EEA1: variants seen among roughly 807,000 people sequenced by gnomAD.
EEA1 encodes early endosome antigen 1, 162kD.
In EEA1, 111 loss-of-function variants were observed where a neutral mutation model predicts 209.2. That is an observed-to-expected ratio of 0.53 (90% CI 0.45 to 0.62). EEA1 has a LOEUF of 0.62. Ranked by LOEUF, EEA1 falls within the 20% of genes least tolerant of loss-of-function variation. The pLI is 0.00. For missense variants in EEA1, 1,343 were observed against 1,530.8 expected (o/e 0.88, Z 2.05); for synonymous variants, 536 against 540.6 (o/e 0.99, Z 0.12).
intron 2 of EEA1, among the ~76,000 whole-genome samples, chr12:92,877,733 G>C (rs542025267): frequency 1.3e-5 from 2 of 151,998 alleles, no homozygotes; most frequent in Admixed American, 6.6e-5. Flanking sequence ...GGCTGGTCTC[G>C]AACTCCTGAT....
Position 92,814,664 on chromosome 12 carries a change from C to T in EEA1, c.1929+1536G>A, listed in dbSNP as rs77893706. Among the ~76,000 whole-genome samples, 985 of 152,174 alleles carry T rather than the reference C, an allele frequency of 6.5e-3. 39 individuals are homozygous for T. In the East Asian group the frequency reaches 0.11, roughly 18 times the overall value. On this transcript the variant is annotated intron_variant, in intron 15 of 28. Coordinates refer to ENST00000322349, the MANE Select transcript of EEA1 (RefSeq NM_003566.4). ...CCCCTCTGTTTGCCCTTTTTATAGGCAATGACTAAGTACCAATTACTACAA... is the reference window on the plus strand; with the variant it reads ...CCCCTCTGTTTGCCCTTTTTATAGGTAATGACTAAGTACCAATTACTACAA...
intron 21 of EEA1, among the ~76,000 whole-genome samples, chr12:92,792,905 C>A (rs375860727): frequency 6.6e-6 from 1 of 152,184 alleles, no homozygotes; most frequent in South Asian, 2.1e-4. Flanking sequence ...CAAACCGAAT[C>A]CAGCAGCACA....
chr12:92,837,150 CA>C (rs1876967297), intron 10 of EEA1, among the ~76,000 whole-genome samples: 1 of 145,662 alleles, frequency 6.9e-6, no homozygotes, highest in Non-Finnish European at 1.5e-5. Context: ...AAACCAACAA[CA>C]ACCCACATTC....
intron 1 of EEA1, among the ~76,000 whole-genome samples, chr12:92,914,141 C>A (rs777011371): frequency 3.3e-5 from 5 of 152,052 alleles, no homozygotes; most frequent in Non-Finnish European, 7.4e-5. Flanking sequence ...CCCCACCACA[C>A]CCTCAGGTCT....
chr12:92,824,198 C>G (rs1376795696), intron 13 of EEA1, among the ~76,000 whole-genome samples: 1 of 152,182 alleles, frequency 6.6e-6, no homozygotes, highest in East Asian at 1.9e-4. Flanking sequence ...TCTCAATACT[C>G]TACAATAAAT....
At chr12:92,914,665 A>ATT (rs1275187896) in intron 1 of EEA1, among the ~76,000 whole-genome samples, 49 of 140,978 alleles carry the variant, frequency 3.5e-4, no homozygotes, top group African/African-American at 6.7e-4. Context: ...TGTCTCTACA[A>ATT]TTTTTTTTTT....
intron 22 of EEA1, 95 bp from the exon 23 acceptor site, chr12:92,782,230 C>T: frequency 2.9e-6 from 3 of 1,028,126 alleles, no homozygotes; most frequent in South Asian, 1.9e-5. Flanking sequence ...AAGCAATAAA[C>T]TATAAAAAGA....
Position 92,832,586 on chromosome 12 carries a change from C to T in EEA1, c.1180G>A (p.Glu394Lys), listed in dbSNP as rs1876705901. ...CTCTGTTGTTGTAGCTGCTTAAACT[C>T]CGCCTTTAGATGCTGGTACTTGGTC... ...VETKYQHLKAEFKQLQQQREE... is the reference protein window; with the variant it reads ...VETKYQHLKAKFKQLQQQREE... Residue 394 changes from glutamate to lysine, a missense_variant, in exon 11 of 29, where the codon GAG (glutamate) becomes AAG (lysine). Coordinates refer to ENST00000322349, the MANE Select transcript of EEA1 (RefSeq NM_003566.4). 1 of 1,614,062 alleles carries T rather than the reference C, an allele frequency of 6.2e-7. No individual in the cohort carries two copies. The highest frequency in any genetic ancestry group is 2.2e-5 in the East Asian group (1 of 44,842).
At chr12:92,782,323 T>A (rs1290746955) in intron 22 of EEA1, among the ~76,000 whole-genome samples, 188 bp from the exon 23 acceptor site, 1 of 152,164 alleles carries the variant, frequency 6.6e-6, no homozygotes, top group African/African-American at 2.4e-5. Context: ...AAAACATTTA[T>A]AATATAAAAT....
At chr12:92,798,800 T>C in intron 21 of EEA1, 92 bp downstream of exon 21, 1 of 965,946 alleles carries the variant, frequency 1.0e-6, no homozygotes. Flanking sequence ...AACTTTTCAA[T>C]GTTGCAACTT....
intron 1 of EEA1, among the ~76,000 whole-genome samples, chr12:92,927,937 G>C (rs1211383198): frequency 6.6e-6 from 1 of 152,204 alleles, no homozygotes; most frequent in East Asian, 1.9e-4. Flanking sequence ...TCTTTCAGGA[G>C]AAAGCTAGGC....
At chr12:92,908,910 G>A (rs187476622) in intron 1 of EEA1, among the ~76,000 whole-genome samples, 21 of 152,042 alleles carry the variant, frequency 1.4e-4, no homozygotes, top group Middle Eastern at 3.4e-3. Context: ...TGCAACCTCC[G>A]CCTCCCAAGT....
At chr12:92,827,784 G>T in intron 12 of EEA1, 128 bp downstream of exon 12, 1 of 923,750 alleles carries the variant, frequency 1.1e-6, no homozygotes, top group Non-Finnish European at 1.5e-6. Flanking sequence ...GCAAGATGTT[G>T]CTATTGGAGA....
Position 92,798,820 on chromosome 12 carries a change from T to C in EEA1, c.2967+72A>G, listed in dbSNP as rs559696929. ...TTCAATGTTGCAACTTATCCATCTGTATTAATCATCATACTATTTTCTTAA... is the reference window on the plus strand; with the variant it reads ...TTCAATGTTGCAACTTATCCATCTGCATTAATCATCATACTATTTTCTTAA... On this transcript the variant is annotated intron_variant, in intron 21 of 28. Coordinates refer to ENST00000322349, the MANE Select transcript of EEA1 (RefSeq NM_003566.4). 44 of 1,213,374 alleles carry C rather than the reference T, an allele frequency of 3.6e-5. No individual in the cohort carries two copies. The South Asian group carries it at 7.4e-4, about 21-fold the overall frequency. The allele number at this position is 1,213,374 out of a possible 1,614,324, so 75.2% of individuals were successfully genotyped here. A position where few individuals can be genotyped will look rare whatever the true frequency, so the allele number is the denominator to read the frequency against.
Position 92,911,804 on chromosome 12 carries a change from G to C in EEA1, c.24+17239C>G, listed in dbSNP as rs1428620876. On this transcript the variant is annotated intron_variant, in intron 1 of 28. Coordinates refer to ENST00000322349, the MANE Select transcript of EEA1 (RefSeq NM_003566.4). Reference sequence around the variant, plus strand: ...TGTAAACCTACAACTGCTCTAAAAAGTAACTTGTTTTTCAAATCTATGAAT... The same window carrying C: ...TGTAAACCTACAACTGCTCTAAAAACTAACTTGTTTTTCAAATCTATGAAT... 2.2e-4 allele frequency among the ~76,000 whole-genome samples: 3 copies of C among 13,682 alleles called. No homozygotes were observed. In the Admixed American group the frequency reaches 2.5e-3, roughly 11 times the overall value. 9.0% of individuals were successfully genotyped at this position (13,682 alleles called of 152,430 possible). A position where few individuals can be genotyped will look rare whatever the true frequency, so the allele number is the denominator to read the frequency against.
In EEA1 at chr12:92,929,087, C is replaced by T. The variant is rs756233800; in HGVS notation, c.-21G>A. ...AACATGGTTTAACCACCACCCGGCGCCGCCGCGGTGACTCTCCAGACCCTG... is the reference window on the plus strand; with the variant it reads ...AACATGGTTTAACCACCACCCGGCGTCGCCGCGGTGACTCTCCAGACCCTG... On this transcript the variant is annotated 5_prime_UTR_variant, in exon 1 of 29. Coordinates refer to ENST00000322349, the MANE Select transcript of EEA1 (RefSeq NM_003566.4). 3.8e-6 allele frequency: 6 copies of T among 1,587,024 alleles called. No homozygotes were observed. The Admixed American group carries it at 1.1e-4, about 28-fold the overall frequency.
intron 1 of EEA1, among the ~76,000 whole-genome samples, chr12:92,910,400 C>T (rs1364038593): frequency 4.8e-5 from 7 of 146,524 alleles, no homozygotes; most frequent in African/African-American, 7.6e-5. Context: ...ACTCGGGAGG[C>T]GGAGGTTGCA....
At chr12:92,806,988 A>T (rs1199261898) in intron 18 of EEA1, among the ~76,000 whole-genome samples, 1 of 151,012 alleles carries the variant, frequency 6.6e-6, no homozygotes, top group Non-Finnish European at 1.5e-5. Context: ...CCCAGGTTGG[A>T]GTGCAGTGGC....
rs555608271 is a variant in EEA1, at chr12:92,796,621, A to G, written c.2967+2271T>C. Reference sequence around the variant, plus strand: ...GTGTATACATATTTTTATGTTTTATATATATATTTAAGTGTGTACACACAT... The same window carrying G: ...GTGTATACATATTTTTATGTTTTATGTATATATTTAAGTGTGTACACACAT... On this transcript the variant is annotated intron_variant, in intron 21 of 28. Transcript: ENST00000322349. Among the ~76,000 whole-genome samples, 79 of 152,232 alleles carry G rather than the reference A, an allele frequency of 5.2e-4. 1 individual carries two copies. Among genetic ancestry groups the G allele is most frequent in the African/African-American group, 1.9e-3 (79 of 41,542 alleles).
Sources: allele counts gnomAD v4.1 joint callset (sites outside exome capture counted in the v4.1 genomes callset), GRCh38; gene constraint gnomAD v4.1.1; transcripts MANE v1.5; gene names NCBI Gene and HGNC (gene_info 2026-07-23, HGNC 2026-07-21).